The following CBLB variants were observed in gnomAD, a reference collection of about 807,000 sequenced individuals.
CBLB encodes the protein Cbl proto-oncogene B.
A neutral mutation model predicts 104.9 loss-of-function variants in CBLB; 31 were observed. That is an observed-to-expected ratio of 0.30 (90% confidence interval 0.22 to 0.40). The LOEUF (loss-of-function observed/expected upper bound fraction) is 0.40, where lower values mean the gene tolerates loss of function less well. CBLB is among the 10% of genes least tolerant of loss of function. The pLI, the probability that CBLB is intolerant of heterozygous loss-of-function variation, is 1.00. For synonymous variants in CBLB, 440 were observed against 422.6 expected (o/e 1.04, Z -0.51); for missense variants, 1,062 against 1,214.6 (o/e 0.87, Z 1.87).
At chr3:105,802,668 T>C (rs966841543) in intron 3 of CBLB, among the ~76,000 whole-genome samples, 3 of 152,164 alleles carry the variant, frequency 2.0e-5, no homozygotes, top group Non-Finnish European at 4.4e-5. Flanking sequence ...AAGAGGAAGA[T>C]GTACAGCTGG....
intron 13 of CBLB, among the ~76,000 whole-genome samples, chr3:105,687,573 A>G (rs2067168476): frequency 6.6e-6 from 1 of 152,064 alleles, no homozygotes; most frequent in Admixed American, 6.6e-5. Context: ...AGAAGTGAAA[A>G]AATAGTTTTC....
intron 12 of CBLB, 60 bp downstream of exon 12, chr3:105,702,034 A>T: frequency 6.3e-7 from 1 of 1,588,400 alleles, no homozygotes; most frequent in Non-Finnish European, 8.6e-7. Context: ...CTTTTATGCT[A>T]CTGACCATCA....
At chr3:105,862,718 C>T (rs2092188248) in intron 2 of CBLB, among the ~76,000 whole-genome samples, 1 of 152,124 alleles carries the variant, frequency 6.6e-6, no homozygotes, top group African/African-American at 2.4e-5. Flanking sequence ...TAAATTAAGA[C>T]AAAATTATTT....
At chr3:105,735,886 T>C (rs1227719062) in intron 8 of CBLB, among the ~76,000 whole-genome samples, 1 of 152,020 alleles carries the variant, frequency 6.6e-6, no homozygotes, top group Non-Finnish European at 1.5e-5. Flanking sequence ...GCAGAGGTTG[T>C]AGTGAGCCGA....
At chr3:105,810,684 T>C (rs936461444) in intron 3 of CBLB, among the ~76,000 whole-genome samples, 1 of 152,150 alleles carries the variant, frequency 6.6e-6, no homozygotes, top group Admixed American at 6.5e-5. Flanking sequence ...CTGTCATGTT[T>C]CTATAATTAT....
At chr3:105,770,090 T>G (rs1170695970) in intron 4 of CBLB, among the ~76,000 whole-genome samples, 6 of 152,106 alleles carry the variant, frequency 3.9e-5, no homozygotes, top group African/African-American at 7.2e-5. Context: ...TTGTTTTTTT[T>G]TTTTTTTCAA....
intron 2 of CBLB, among the ~76,000 whole-genome samples, chr3:105,854,754 TC>T (rs2091392721): frequency 6.6e-6 from 1 of 152,106 alleles, no homozygotes; most frequent in African/African-American, 2.4e-5. Flanking sequence ...TGCCTCAGCC[TC>T]CCAAGTAGCT....
At chr3:105,714,450 C>T (rs1232542444) in intron 10 of CBLB, among the ~76,000 whole-genome samples, 4 of 152,090 alleles carry the variant, frequency 2.6e-5, no homozygotes, top group Non-Finnish European at 4.4e-5. Flanking sequence ...TTCAACTAGA[C>T]AGTCCCATCT....
chr3:105,793,231 A>G lies in CBLB; in HGVS notation c.420-16689T>C, dbSNP rs552381643. Among the ~76,000 whole-genome samples the G allele has an allele frequency of 4.6e-5, 7 of 152,190 alleles. 1 individual carries two copies. The East Asian group carries it at 1.4e-3, about 30-fold the overall frequency. ...GAAAGGAGCAGCTGCAGAATCCTAC[A>G]GGAAATGCCGCTACATTCTGGTACC... On this transcript the variant is annotated intron_variant, in intron 3 of 18. Coordinates refer to ENST00000394030, the MANE Select transcript of CBLB (RefSeq NM_170662.5).
Position 105,776,592 on chromosome 3 carries a change from C to A in CBLB, c.420-50G>T, listed in dbSNP as rs374843972. 8.3e-5 allele frequency: 124 copies of A among 1,502,862 alleles called. 2 individuals carry two copies. Among genetic ancestry groups the A allele is most frequent in the Middle Eastern group, 1.7e-4 (1 of 5,884 alleles). 93.1% of individuals were successfully genotyped at this position (1,502,862 alleles called of 1,614,324 possible). ...AAGATAAGAAATAAACACCTAGATG[C>A]ATGCAAATTTTTATGGTAATATATA... is the stretch of plus-strand genomic sequence containing the variant. On this transcript the variant is annotated intron_variant, in intron 3 of 18. Coordinates refer to ENST00000394030, the MANE Select transcript of CBLB (RefSeq NM_170662.5).
intron 3 of CBLB, among the ~76,000 whole-genome samples, 161 bp downstream of exon 3, chr3:105,853,246 AAAAATGC>A (rs1251668419): frequency 2.6e-5 from 4 of 152,170 alleles, no homozygotes; most frequent in Non-Finnish European, 5.9e-5. Context: ...GAAATTGTCT[AAAAATGC>A]ATTTCTTGTA....
chr3:105,767,943 C>G (rs2078412123), intron 4 of CBLB, among the ~76,000 whole-genome samples: 1 of 152,178 alleles, frequency 6.6e-6, no homozygotes, highest in Non-Finnish European at 1.5e-5. Context: ...CCTAAGTATG[C>G]TGTCTCCCAA....
chr3:105,672,233 A>T (rs746278436), intron 17 of CBLB: 51 of 185,658 alleles, frequency 2.7e-4, no homozygotes, highest in Admixed American at 4.3e-4. Context: ...TCAGAGCCAT[A>T]CATAGACTAT....
chr3:105,853,368 A>G (rs2091201076), intron 3 of CBLB, 46 bp downstream of exon 3: 1 of 1,603,350 alleles, frequency 6.2e-7, no homozygotes, highest in Non-Finnish European at 8.5e-7. Context: ...AGTAAAAAGC[A>G]ACATAAATGA....
rs1207011566 is a variant in CBLB, at chr3:105,833,809, A to T, written c.419+19605T>A. On this transcript the variant is annotated intron_variant, in intron 3 of 18. Coordinates refer to ENST00000394030, the MANE Select transcript of CBLB (RefSeq NM_170662.5). The stretch of plus-strand genomic sequence containing the variant: ...ACACAAATTTTAAAATGAAAATTCC[A>T]AACTTTATATAAGTTTCCTCTGAGA... Among the ~76,000 whole-genome samples the T allele has an allele frequency of 7.2e-5, 11 of 152,218 alleles. No homozygotes were observed. The East Asian group carries it at 2.1e-3, about 29-fold the overall frequency.
At chr3:105,766,193 T>C (rs1176885932) in intron 4 of CBLB, among the ~76,000 whole-genome samples, 1 of 152,178 alleles carries the variant, frequency 6.6e-6, no homozygotes, top group African/African-American at 2.4e-5. Context: ...GCTAAATTGA[T>C]GCAAATCTCA....
chr3:105,664,713 C>T (rs182944324), intron 18 of CBLB, among the ~76,000 whole-genome samples: 5 of 152,108 alleles, frequency 3.3e-5, no homozygotes, highest in Non-Finnish European at 7.4e-5. Flanking sequence ...AACCAGAGAT[C>T]GATTTCGCTC....
chr3:105,691,041 A>C (rs973546263), intron 13 of CBLB, among the ~76,000 whole-genome samples: 2 of 152,196 alleles, frequency 1.3e-5, no homozygotes, highest in African/African-American at 4.8e-5. Flanking sequence ...AAGTTTAAAT[A>C]AAAAATGTCA....
chr3:105,784,680 GT>G (rs1053726640), intron 3 of CBLB, among the ~76,000 whole-genome samples: 3 of 151,980 alleles, frequency 2.0e-5, no homozygotes, highest in African/African-American at 4.8e-5. Flanking sequence ...TAATTGATCA[GT>G]TTTTTTTCCA....
Sources: allele counts gnomAD v4.1 joint callset (sites outside exome capture counted in the v4.1 genomes callset), GRCh38; gene constraint gnomAD v4.1.1; transcripts MANE v1.5; gene names NCBI Gene and HGNC (gene_info 2026-07-23, HGNC 2026-07-21).